PRELID2: variants seen among roughly 807,000 people sequenced by gnomAD.
The protein encoded by PRELID2 is PRELI domain containing 2, also known as PRELI domain-containing protein 2.
In PRELID2, 25 loss-of-function variants were observed where a neutral mutation model predicts 28.4. The observed-to-expected ratio is 0.88, with a 90% CI of 0.64 to 1.23. The LOEUF (loss-of-function observed/expected upper bound fraction) is 1.23. Ranked by LOEUF, PRELID2 falls within the 50% of genes most tolerant of loss-of-function variation. The pLI is 0.00. For missense variants in PRELID2, 201 were observed against 214.4 expected (o/e 0.94, Z 0.39); for synonymous variants, 76 against 71.6 (o/e 1.06, Z -0.31).
chr5:145,295,104 T>C, the PRELID2 span, among the ~76,000 whole-genome samples: 4 of 152,118 alleles, frequency 2.6e-5, no homozygotes, highest in African/African-American at 9.7e-5. Flanking sequence ...ATTTGCCCAA[T>C]GTGTTATACT....
intron 1 of PRELID2, among the ~76,000 whole-genome samples, chr5:145,581,085 T>C (rs570567616): frequency 6.6e-6 from 1 of 152,106 alleles, no homozygotes; most frequent in African/African-American, 2.4e-5. Context: ...CACCAGACTT[T>C]TGTCTCTGTT....
chr5:145,831,576 G>A (rs1473586123), intron 1 of PRELID2, among the ~76,000 whole-genome samples: 1 of 152,164 alleles, frequency 6.6e-6, no homozygotes. Flanking sequence ...CAGCAAATGG[G>A]TTTACTGACA....
rs148824904 is a variant in PRELID2 at position 145,618,024 on chromosome 5, T to C, written n.71-144709A>G. On this transcript the variant is annotated intron_variant and non_coding_transcript_variant, in intron 1 of 2. Transcript: ENST00000510259. Reference sequence around the variant, plus strand: ...CTGGGATTACAGATGTGAGCCACCATGCCCGGCCGATTGTTTTTTCTTTAT... The same window carrying C: ...CTGGGATTACAGATGTGAGCCACCACGCCCGGCCGATTGTTTTTTCTTTAT... 7.8e-3 allele frequency among the ~76,000 whole-genome samples: 1,194 copies of C among 152,278 alleles called. 16 individuals are homozygous for C. Among genetic ancestry groups the C allele is most frequent in the African/African-American group, 0.026 (1,074 of 41,562 alleles).
chr5:145,229,138 T>C, the PRELID2 span: 2 of 1,190,794 alleles, frequency 1.7e-6, no homozygotes, highest in Non-Finnish European at 2.5e-6. Context: ...GTCCAGCGGG[T>C]GGGGGCCAAG....
chr5:145,697,062 T>G (rs1755290466), intron 1 of PRELID2, among the ~76,000 whole-genome samples: 1 of 119,916 alleles, frequency 8.3e-6, no homozygotes. Context: ...TATATATATA[T>G]ATATATATAT....
chr5:145,267,374 T>C, the PRELID2 span, among the ~76,000 whole-genome samples: 222 of 152,264 alleles, frequency 1.5e-3, 1 homozygote, highest in Non-Finnish European at 2.8e-3. Context: ...ATACTTTGCA[T>C]CCTTCAATCC....
chr5:145,746,103 T>A (rs553484916), intron 1 of PRELID2, among the ~76,000 whole-genome samples: 1 of 152,182 alleles, frequency 6.6e-6, no homozygotes, highest in African/African-American at 2.4e-5. Flanking sequence ...AGAAATTGCA[T>A]CAACTAGTGC....
At chr5:145,335,274 C>T in the PRELID2 span, among the ~76,000 whole-genome samples, 2 of 151,784 alleles carry the variant, frequency 1.3e-5, no homozygotes, top group African/African-American at 4.8e-5. Flanking sequence ...GCATTTTTAT[C>T]TCATTCGTTG....
chr5:145,522,594 C>T (rs1216187126), intron 1 of PRELID2, among the ~76,000 whole-genome samples: 3 of 152,102 alleles, frequency 2.0e-5, no homozygotes, highest in Non-Finnish European at 2.9e-5. Context: ...CAACATTGCC[C>T]CCAAAATTAT....
the PRELID2 span, among the ~76,000 whole-genome samples, chr5:145,430,363 T>C: frequency 0.41 from 62,669 of 151,990 alleles, 13,255 homozygotes; most frequent in Admixed American, 0.49. Context: ...TATTTCTTGC[T>C]CATGGTACAC....
intron 4 of PRELID2, among the ~76,000 whole-genome samples, chr5:145,806,234 CACAA>C (rs1377963006): frequency 6.6e-6 from 1 of 152,104 alleles, no homozygotes; most frequent in East Asian, 1.9e-4. Context: ...TAGCTTAAAA[CACAA>C]ACACATTGCA....
chr5:145,722,502 A>G (rs1561557884), intron 1 of PRELID2, among the ~76,000 whole-genome samples: 1 of 106,718 alleles, frequency 9.4e-6, no homozygotes, highest in African/African-American at 8.5e-5. Flanking sequence ...TATCAAATTA[A>G]TAATTTTTTT....
At chr5:145,699,426 G>A (rs950857078) in intron 1 of PRELID2, among the ~76,000 whole-genome samples, 2 of 151,988 alleles carry the variant, frequency 1.3e-5, no homozygotes, top group African/African-American at 4.8e-5. Context: ...ATTTACAAAT[G>A]GGCAAACTAA....
At chr5:145,553,034 GCTA>G (rs1752850347) in intron 1 of PRELID2, among the ~76,000 whole-genome samples, 4 of 152,272 alleles carry the variant, frequency 2.6e-5, no homozygotes, top group Admixed American at 2.6e-4. Flanking sequence ...CCAAGGTGTT[GCTA>G]TGTACTGGAC....
At chr5:145,366,792 G>T in the PRELID2 span, among the ~76,000 whole-genome samples, 36 of 151,934 alleles carry the variant, frequency 2.4e-4, no homozygotes, top group East Asian at 6.8e-3. Context: ...GATGACACAG[G>T]ATGAGAGATA....
chr5:145,589,570 G>A (rs558417328), intron 1 of PRELID2, among the ~76,000 whole-genome samples: 4 of 151,638 alleles, frequency 2.6e-5, no homozygotes, highest in Admixed American at 2.6e-4. Context: ...TTTTTCATAA[G>A]TTCAGAAGGT....
the PRELID2 span, among the ~76,000 whole-genome samples, chr5:145,451,788 C>T: frequency 6.6e-6 from 1 of 152,068 alleles, no homozygotes; most frequent in South Asian, 2.1e-4. Context: ...TATTTTAATG[C>T]AGCAATAGAA....
the PRELID2 span, among the ~76,000 whole-genome samples, chr5:145,421,401 C>G: frequency 6.6e-6 from 1 of 150,880 alleles, no homozygotes; most frequent in Non-Finnish European, 1.5e-5. Context: ...ATTATTGCCA[C>G]AATTTCAGAG....
the PRELID2 span, among the ~76,000 whole-genome samples, chr5:145,337,624 T>A: frequency 6.8e-6 from 1 of 147,970 alleles, no homozygotes; most frequent in Non-Finnish European, 1.5e-5. Context: ...TTCACTAGCT[T>A]ATTATAAAGG....
Sources: allele counts gnomAD v4.1 joint callset (sites outside exome capture counted in the v4.1 genomes callset), GRCh38; gene constraint gnomAD v4.1.1; transcripts MANE v1.5; gene names NCBI Gene and HGNC (gene_info 2026-07-23, HGNC 2026-07-21).